PXDNL: variants seen among roughly 807,000 people sequenced by gnomAD.
PXDNL encodes peroxidasin like.
Under a neutral mutation model 150.8 loss-of-function variants are expected in PXDNL, and 145 were observed. The observed-to-expected ratio is 0.96, with a 90% CI of 0.84 to 1.10. The LOEUF (loss-of-function observed/expected upper bound fraction) is 1.10, where lower values mean the gene tolerates loss of function less well. Among genes scored for constraint, PXDNL ranks in the 50% least tolerant of loss-of-function variants. The pLI, the probability that PXDNL is intolerant of heterozygous loss-of-function variation, is 0.00. For synonymous variants in PXDNL, 757 were observed against 725.7 expected, an observed-to-expected ratio of 1.04 and a Z score of -0.69; for missense variants, 2,087 against 1,873.9, an observed-to-expected ratio of 1.11 and a Z score of -2.10.
intron 1 of PXDNL, among the ~76,000 whole-genome samples, chr8:51,711,038 T>C (rs550575254): frequency 4.6e-5 from 7 of 152,308 alleles, no homozygotes; most frequent in Non-Finnish European, 8.8e-5. Flanking sequence ...AAAAGAAATA[T>C]ATAAAAGATA....
At chr8:51,619,150 C>A (rs1814187225) in intron 2 of PXDNL, among the ~76,000 whole-genome samples, 1 of 152,176 alleles carries the variant, frequency 6.6e-6, no homozygotes, top group Non-Finnish European at 1.5e-5. Context: ...AACTAGAATT[C>A]TTCTTCCCCA....
intron 21 of PXDNL, among the ~76,000 whole-genome samples, chr8:51,335,000 G>A (rs1282426201): frequency 6.6e-6 from 1 of 152,110 alleles, no homozygotes; most frequent in Non-Finnish European, 1.5e-5. Flanking sequence ...AACATTACCT[G>A]TCTCCTAATT....
chr8:51,398,218 G>A (rs979654210), intron 17 of PXDNL, among the ~76,000 whole-genome samples: 34 of 152,308 alleles, frequency 2.2e-4, no homozygotes, highest in South Asian at 8.3e-4. Context: ...GAGAAATCTC[G>A]CCCACACTGC....
intron 4 of PXDNL, among the ~76,000 whole-genome samples, chr8:51,550,789 T>A (rs965010560): frequency 8.5e-5 from 13 of 152,072 alleles, no homozygotes; most frequent in African/African-American, 3.1e-4. Flanking sequence ...CCACTTTTAT[T>A]CAGCATAGTA....
At chr8:51,412,864 T>C (rs967731794) in intron 15 of PXDNL, among the ~76,000 whole-genome samples, 2 of 152,230 alleles carry the variant, frequency 1.3e-5, no homozygotes, top group Non-Finnish European at 2.9e-5. Flanking sequence ...TCTGACACTG[T>C]TTGGTGGATG....
intron 4 of PXDNL, among the ~76,000 whole-genome samples, chr8:51,555,784 A>T (rs1163309966): frequency 1.3e-5 from 2 of 152,194 alleles, no homozygotes; most frequent in Non-Finnish European, 2.9e-5. Context: ...TGTGTTTCAA[A>T]CACTTGTAAT....
chr8:51,354,948 A>AC (rs5891405), intron 19 of PXDNL, among the ~76,000 whole-genome samples: 111,313 of 151,896 alleles, frequency 0.73, 41,326 homozygotes, highest in East Asian at 0.94. Context: ...TTTCAGGGCT[A>AC]TTATTTGCCC....
At chr8:51,644,209 G>T (rs988710532) in intron 2 of PXDNL, among the ~76,000 whole-genome samples, 3 of 147,632 alleles carry the variant, frequency 2.0e-5, no homozygotes, top group African/African-American at 4.9e-5. Context: ...ATTTTAAAAA[G>T]ATCACATTTG....
chr8:51,403,875 GGTGA>G (rs889632038), intron 17 of PXDNL, among the ~76,000 whole-genome samples: 2 of 152,156 alleles, frequency 1.3e-5, no homozygotes, highest in African/African-American at 4.8e-5. Context: ...GGACCCTCAC[GGTGA>G]GTGTTACAGG....
intron 1 of PXDNL, among the ~76,000 whole-genome samples, chr8:51,707,773 G>C (rs549018407): frequency 3.2e-4 from 48 of 152,226 alleles, no homozygotes; most frequent in Middle Eastern, 3.4e-3. Flanking sequence ...ATCATGCAGT[G>C]TTTGTCCTTC....
At chr8:51,324,072 A>G (rs1805413097) in intron 21 of PXDNL, among the ~76,000 whole-genome samples, 1 of 152,134 alleles carries the variant, frequency 6.6e-6, no homozygotes, top group Admixed American at 6.5e-5. Flanking sequence ...CCTATCACCC[A>G]TGTGTTCATT....
intron 19 of PXDNL, among the ~76,000 whole-genome samples, chr8:51,356,009 G>A (rs757552572): frequency 4.6e-5 from 7 of 152,212 alleles, no homozygotes; most frequent in Admixed American, 1.3e-4. Flanking sequence ...TCACATGGTG[G>A]GGTGAGGAAA....
chr8:51,781,926 G>A (rs1444308078), intron 1 of PXDNL, among the ~76,000 whole-genome samples: 12 of 152,082 alleles, frequency 7.9e-5, no homozygotes, highest in East Asian at 1.9e-4. Context: ...CCAGAATACC[G>A]CCCCATCCTC....
chr8:51,346,562 A>G (rs1806165266), intron 19 of PXDNL, among the ~76,000 whole-genome samples: 3 of 152,194 alleles, frequency 2.0e-5, no homozygotes, highest in African/African-American at 7.2e-5. Flanking sequence ...ATCCCCCTCA[A>G]ACCTGCTGTT....
At chr8:51,446,927 G>T in intron 12 of PXDNL, 77 bp downstream of exon 12, 1 of 1,258,244 alleles carries the variant, frequency 7.9e-7, no homozygotes, top group Non-Finnish European at 1.1e-6. Context: ...TATGTCATAA[G>T]ATCCCTGTCA....
At chr8:51,347,951 T>C (rs917266927) in intron 19 of PXDNL, among the ~76,000 whole-genome samples, 6 of 152,138 alleles carry the variant, frequency 3.9e-5, no homozygotes, top group Non-Finnish European at 7.3e-5. Flanking sequence ...CTAAAGAAAG[T>C]GAACTTCAAT....
chr8:51,805,935 T>C (rs1249935607), intron 1 of PXDNL, among the ~76,000 whole-genome samples: 2 of 152,188 alleles, frequency 1.3e-5, no homozygotes, highest in Admixed American at 1.3e-4. Context: ...TCCCTAAAGA[T>C]GCTGTGTTCA....
intron 2 of PXDNL, among the ~76,000 whole-genome samples, chr8:51,612,812 C>T (rs1814043863): frequency 6.6e-6 from 1 of 152,200 alleles, no homozygotes; most frequent in African/African-American, 2.4e-5. Context: ...TTCTGTTATT[C>T]ATAAGCCACT....
At chr8:51,327,781 C>T (rs944956692) in intron 21 of PXDNL, among the ~76,000 whole-genome samples, 1 of 152,194 alleles carries the variant, frequency 6.6e-6, no homozygotes, top group Non-Finnish European at 1.5e-5. Flanking sequence ...AATCATCACT[C>T]CCATCCTCAC....
Sources: allele counts gnomAD v4.1 joint callset (sites outside exome capture counted in the v4.1 genomes callset), GRCh38; gene constraint gnomAD v4.1.1; transcripts MANE v1.5; gene names NCBI Gene and HGNC (gene_info 2026-07-23, HGNC 2026-07-21).